ZBTB20: variants seen among roughly 807,000 people sequenced by gnomAD.
ZBTB20 encodes the protein zinc finger and BTB domain-containing protein 20.
ZBTB20 carries 9 observed loss-of-function variants against 56.9 expected under a neutral mutation model. The ratio of observed to expected loss-of-function variants is 0.16; its 90% CI spans 0.10 to 0.28. ZBTB20 has a LOEUF of 0.28. Among genes scored for constraint, ZBTB20 ranks in the 10% least tolerant of loss-of-function variants. The pLI is 1.00. For missense variants in ZBTB20, 655 were observed against 1,003.0 expected, an observed-to-expected ratio of 0.65 and a Z score of 4.69; for synonymous variants, 417 against 420.7, an observed-to-expected ratio of 0.99 and a Z score of 0.11.
At chr3:114,636,661 T>C (rs528826850) in intron 6 of ZBTB20, among the ~76,000 whole-genome samples, 1 of 152,036 alleles carries the variant, frequency 6.6e-6, no homozygotes, top group East Asian at 1.9e-4. Flanking sequence ...GAAAAACACC[T>C]GTAGTAGATA....
chr3:114,461,520 G>A (rs1320013536), intron 7 of ZBTB20, among the ~76,000 whole-genome samples: 1 of 152,088 alleles, frequency 6.6e-6, no homozygotes, highest in Non-Finnish European at 1.5e-5. Flanking sequence ...TGCTCAGGCT[G>A]GTCTCAAACT....
At chr3:114,579,566 C>T (rs1329045935) in intron 6 of ZBTB20, among the ~76,000 whole-genome samples, 1 of 150,120 alleles carries the variant, frequency 6.7e-6, no homozygotes, top group Non-Finnish European at 1.5e-5. Context: ...AATGAAATAA[C>T]GCTAATGCTG....
intron 7 of ZBTB20, among the ~76,000 whole-genome samples, chr3:114,441,512 C>T (rs940720959): frequency 6.6e-5 from 10 of 152,114 alleles, no homozygotes; most frequent in Non-Finnish European, 4.4e-5. Flanking sequence ...CACTGCACTA[C>T]GAATGTCCCT....
chr3:114,813,078 T>C (rs974189195), intron 4 of ZBTB20, among the ~76,000 whole-genome samples: 2 of 152,228 alleles, frequency 1.3e-5, no homozygotes, highest in African/African-American at 4.8e-5. Context: ...GCTCCGGCCT[T>C]GGCCAGCCCA....
intron 4 of ZBTB20, among the ~76,000 whole-genome samples, chr3:114,871,517 G>T (rs554293965): frequency 6.6e-6 from 1 of 152,186 alleles, no homozygotes; most frequent in East Asian, 1.9e-4. Context: ...GGTATAAAAT[G>T]TATCTTTCTC....
At chr3:114,739,741 G>A (rs763741669) in intron 5 of ZBTB20, among the ~76,000 whole-genome samples, 9 of 152,222 alleles carry the variant, frequency 5.9e-5, no homozygotes, top group Non-Finnish European at 1.3e-4. Flanking sequence ...CTGATATACA[G>A]TGAAGTTAAA....
chr3:114,530,133 T>C (rs2047677874), intron 6 of ZBTB20, among the ~76,000 whole-genome samples: 2 of 152,376 alleles, frequency 1.3e-5, no homozygotes, highest in African/African-American at 2.4e-5. Flanking sequence ...ACAGTGCTTA[T>C]AAAGTCTACA....
chr3:114,894,106 C>G (rs1040676467), intron 4 of ZBTB20, among the ~76,000 whole-genome samples: 1 of 51,364 alleles, frequency 1.9e-5, no homozygotes, highest in African/African-American at 6.0e-5. Flanking sequence ...GAGTTTTTAT[C>G]AGGTTTATCC....
At chr3:114,626,538 G>GTGATT (rs1228072163) in intron 6 of ZBTB20, among the ~76,000 whole-genome samples, 1 of 152,164 alleles carries the variant, frequency 6.6e-6, no homozygotes, top group Non-Finnish European at 1.5e-5. Flanking sequence ...TCAATATGAA[G>GTGATT]ACTCTAGTAA....
At chr3:114,946,492 A>G (rs1259369831) in intron 3 of ZBTB20, among the ~76,000 whole-genome samples, 1 of 145,620 alleles carries the variant, frequency 6.9e-6, no homozygotes, top group Non-Finnish European at 1.5e-5. Context: ...TTCAAAGATG[A>G]AAAAGGACAA....
At position 115,089,778 on chromosome 3, in the gene ZBTB20, A is replaced by G. The variant is rs541850572; in HGVS notation, c.-702-18364T>C. Among the ~76,000 whole-genome samples the G allele has an allele frequency of 2.0e-5, 3 of 151,964 alleles. No homozygotes were observed. In the South Asian group the frequency reaches 6.2e-4, roughly 31 times the overall value. ...AGTTGTTGTATGCAAAGATTAAATT[A>G]AACAGTTTGTGTGAAAGGTGCTTAG... On this transcript the variant is annotated intron_variant, in intron 1 of 11. Transcript: ENST00000675478.
At chr3:115,095,321 T>C (rs2083340285) in intron 1 of ZBTB20, among the ~76,000 whole-genome samples, 1 of 152,102 alleles carries the variant, frequency 6.6e-6, no homozygotes, top group East Asian at 1.9e-4. Flanking sequence ...ATTACAAAGG[T>C]TGCATTGGTT....
At chr3:114,742,458 T>C (rs771350462) in intron 5 of ZBTB20, among the ~76,000 whole-genome samples, 1 of 152,144 alleles carries the variant, frequency 6.6e-6, no homozygotes, top group African/African-American at 2.4e-5. Context: ...TGCATTATAA[T>C]AGCAACAGCA....
chr3:115,046,400 C>T (rs1008624791), intron 2 of ZBTB20, among the ~76,000 whole-genome samples: 2 of 152,132 alleles, frequency 1.3e-5, no homozygotes, highest in Admixed American at 1.3e-4. Context: ...AATAATGTGG[C>T]ATCAATTCCT....
chr3:114,572,756 A>G (rs538781583), intron 6 of ZBTB20, among the ~76,000 whole-genome samples: 1 of 152,346 alleles, frequency 6.6e-6, no homozygotes, highest in South Asian at 2.1e-4. Context: ...CGAGCCAATA[A>G]AACTTTATCT....
intron 3 of ZBTB20, among the ~76,000 whole-genome samples, chr3:114,923,424 T>C (rs142637685): frequency 3.9e-5 from 6 of 152,164 alleles, no homozygotes; most frequent in African/African-American, 1.4e-4. Context: ...TGCACACTTG[T>C]ATGGTTAACT....
chr3:114,544,117 G>A (rs1240266553), intron 6 of ZBTB20, among the ~76,000 whole-genome samples: 2 of 152,164 alleles, frequency 1.3e-5, no homozygotes, highest in Non-Finnish European at 2.9e-5. Context: ...AAGACTAGCT[G>A]TAGTTAGACT....
At position 114,320,239 on chromosome 3, in the gene ZBTB20, T is replaced by TC. The variant is rs1170978965; in HGVS notation, c.*18765dup. The TC allele has an allele frequency of 6.6e-6, 1 of 152,228 alleles. No individual in the cohort carries two copies. The highest frequency in any genetic ancestry group is 1.5e-5 in the Non-Finnish European group (1 of 68,034). 9.4% of individuals were successfully genotyped at this position (152,228 alleles called of 1,614,324 possible). ...CCCTGTTGCTTATTTGCTGTTTTTT[T>TC]CCCTCATGGTTTTGCTTTGTTTTGT... On this transcript the variant is annotated 3_prime_UTR_variant, in exon 12 of 12. Coordinates refer to ENST00000675478, the MANE Select transcript of ZBTB20 (RefSeq NM_001348800.3).
intron 4 of ZBTB20, among the ~76,000 whole-genome samples, chr3:114,812,139 C>T (rs902510094): frequency 1.3e-5 from 2 of 152,130 alleles, no homozygotes; most frequent in Admixed American, 1.3e-4. Context: ...AACAAAGCTT[C>T]CACAGTGTGG....
Sources: allele counts gnomAD v4.1 joint callset (sites outside exome capture counted in the v4.1 genomes callset), GRCh38; gene constraint gnomAD v4.1.1; transcripts MANE v1.5; gene names NCBI Gene and HGNC (gene_info 2026-07-23, HGNC 2026-07-21).